Variants in GSPT1 observed in about 807,000 individuals in gnomAD.
GSPT1 encodes the protein eukaryotic peptide chain release factor GTP-binding subunit ERF3A.
In GSPT1, 20 loss-of-function variants were observed where a neutral mutation model predicts 72.5. The ratio of observed to expected loss-of-function variants is 0.28; its 90% CI spans 0.19 to 0.40. GSPT1 has a LOEUF of 0.40. Among genes scored for constraint, GSPT1 ranks in the 10% least tolerant of loss-of-function variants. The pLI is 1.00. For synonymous variants in GSPT1, 334 were observed against 293.5 expected (o/e 1.14, Z -1.41); for missense variants, 580 against 811.9 (o/e 0.71, Z 3.47).
At chr16:11,874,273 T>A (rs1249567050) in intron 14 of GSPT1, among the ~76,000 whole-genome samples, 2 of 152,032 alleles carry the variant, frequency 1.3e-5, no homozygotes, top group Non-Finnish European at 2.9e-5. Flanking sequence ...ATTATGGAAA[T>A]TGTATCTCAA....
intron 1 of GSPT1, among the ~76,000 whole-genome samples, chr16:11,904,941 C>T (rs1284459693): frequency 6.6e-6 from 1 of 152,074 alleles, no homozygotes; most frequent in African/African-American, 2.4e-5. Flanking sequence ...AAAAATCAGC[C>T]GGGTATAGTG....
rs1020708363 is a variant in GSPT1 at position 11,890,061 on chromosome 16, C to T, written c.776+1001G>A. Among the ~76,000 whole-genome samples the T allele has an allele frequency of 4.6e-5, 7 of 150,702 alleles. No individual in the cohort carries two copies. The East Asian group carries it at 5.9e-4, about 13-fold the overall frequency. On this transcript the variant is annotated intron_variant, in intron 6 of 14. Coordinates refer to ENST00000434724, the MANE Select transcript of GSPT1 (RefSeq NM_002094.4). ...CTGCAACCTCCGCCTCCCGGGTTCA[C>T]GCCATTCTCCTGCCTCAGCCTTCCA...
At chr16:11,878,245 A>G (rs967414417) in intron 11 of GSPT1, among the ~76,000 whole-genome samples, 3 of 152,074 alleles carry the variant, frequency 2.0e-5, no homozygotes, top group African/African-American at 2.4e-5. Flanking sequence ...CCTCCCAAGT[A>G]GCTGGGATTA....
intron 1 of GSPT1, among the ~76,000 whole-genome samples, chr16:11,914,520 T>A (rs1275220490): frequency 6.6e-6 from 1 of 152,154 alleles, no homozygotes; most frequent in African/African-American, 2.4e-5. Flanking sequence ...TAACAAATGC[T>A]CAAGTGTCTG....
intron 14 of GSPT1, among the ~76,000 whole-genome samples, chr16:11,874,317 T>C (rs985017076): frequency 5.3e-5 from 8 of 151,988 alleles, no homozygotes; most frequent in African/African-American, 1.7e-4. Context: ...CCAAAACCTA[T>C]CCTTAAGTAA....
chr16:11,915,297 C>T (rs1681034982), intron 1 of GSPT1, 72 bp downstream of exon 1: 2 of 1,333,530 alleles, frequency 1.5e-6, no homozygotes, highest in Non-Finnish European at 1.9e-6. Flanking sequence ...GCCGCGCGCC[C>T]CCGGACCGCA....
chr16:11,880,832 G>C (rs546218247), intron 11 of GSPT1, among the ~76,000 whole-genome samples: 1 of 152,232 alleles, frequency 6.6e-6, no homozygotes, highest in South Asian at 2.1e-4. Context: ...ATACATGATT[G>C]GCAAATGTTT....
chr16:11,905,342 A>G (rs2054474886), intron 1 of GSPT1, among the ~76,000 whole-genome samples: 1 of 152,200 alleles, frequency 6.6e-6, no homozygotes, highest in Admixed American at 6.5e-5. Context: ...TTTAAATTTA[A>G]TTTTAATAAA....
chr16:11,911,647 G>C lies in GSPT1; in HGVS notation c.352+3722C>G, dbSNP rs2054558376. ...GGCTCACTGCAACCTCCGCCTCCCA[G>C]ATTCAAGTGATTCTCCTGCCTCAGC... On this transcript the variant is annotated intron_variant, in intron 1 of 14. Transcript: ENST00000434724. Among the ~76,000 whole-genome samples the C allele has an allele frequency of 2.0e-5, 3 of 149,276 alleles. No individual in the cohort carries two copies. The Admixed American group carries it at 2.0e-4, about 10-fold the overall frequency.
chr16:11,874,228 C>T (rs965530507), intron 14 of GSPT1, among the ~76,000 whole-genome samples: 9 of 151,976 alleles, frequency 5.9e-5, no homozygotes, highest in Middle Eastern at 3.4e-3. Flanking sequence ...TACTAAAATT[C>T]ATTGAATTAC....
intron 1 of GSPT1, among the ~76,000 whole-genome samples, chr16:11,899,894 T>A (rs920755794): frequency 1.5e-4 from 23 of 152,248 alleles, no homozygotes; most frequent in African/African-American, 5.5e-4. Flanking sequence ...GGAAATGATA[T>A]ACCATCTACC....
intron 14 of GSPT1, 41 bp from the exon 15 acceptor site, chr16:11,873,212 G>A (rs1567432603): frequency 1.0e-6 from 1 of 973,590 alleles, no homozygotes; most frequent in Non-Finnish European, 1.7e-6. Context: ...GTAGTTAACA[G>A]CAAGTCTATA....
intron 1 of GSPT1, among the ~76,000 whole-genome samples, chr16:11,902,596 T>C (rs1350109815): frequency 6.6e-6 from 1 of 151,662 alleles, no homozygotes. Context: ...GATCTTTTTT[T>C]TTTTTTTAAG....
At chr16:11,897,279 T>C (rs1050308746) in intron 3 of GSPT1, among the ~76,000 whole-genome samples, 3 of 152,130 alleles carry the variant, frequency 2.0e-5, no homozygotes, top group African/African-American at 4.8e-5. Flanking sequence ...AGGAAGAACA[T>C]TTTTCACCAA....
intron 6 of GSPT1, 106 bp from the exon 7 acceptor site, chr16:11,887,856 C>T (rs1252572664): frequency 7.7e-6 from 6 of 777,634 alleles, no homozygotes; most frequent in South Asian, 1.8e-5. Context: ...ACCTAAATCA[C>T]GAACAAGATT....
In GSPT1 at chr16:11,915,404, T is replaced by C. The variant is rs1222767665; in HGVS notation, c.317A>G (p.Asn106Ser). 4.6e-6 allele frequency: 7 copies of C among 1,505,554 alleles called. No homozygotes were observed. The highest frequency in any genetic ancestry group is 6.2e-6 in the Non-Finnish European group (7 of 1,131,232). The allele number at this position is 1,505,554 out of a possible 1,614,324, so 93.3% of individuals were successfully genotyped here. Residue 106 changes from asparagine (N) to serine (S), a missense_variant, in exon 1 of 15, where the codon AAC becomes AGC. By Grantham distance (46) the Asn-to-Ser change is conservative. This residue lies in a region of GSPT1 where 327 missense variants were observed against 298.8 expected (regional missense o/e 1.09). Coordinates refer to ENST00000434724, the MANE Select transcript of GSPT1 (RefSeq NM_002094.4). Reference protein sequence around the residue: ...PPPPVGGAANNHGAGSGAGGR... With the variant: ...PPPPVGGAANSHGAGSGAGGR... ...TCCCGCGCCGCTGCCGGCTCCGTGG[T>C]TATTGGCGGCGCCGCCAACTGGGGG... is the stretch of plus-strand genomic sequence containing the variant.
At chr16:11,908,237 T>A (rs985419492) in intron 1 of GSPT1, 2 of 151,250 alleles carry the variant, frequency 1.3e-5, no homozygotes, top group East Asian at 3.9e-4. Flanking sequence ...GAGAGATTCA[T>A]CTCAAAAACA....
In GSPT1 at chr16:11,887,550, A is replaced by T; in HGVS notation, c.957+20T>A. On this transcript the variant is annotated intron_variant, in intron 7 of 14. Transcript: ENST00000434724. ...GGGCTACTAACAAATATACAGATGG[A>T]CTGGAAATGTCTTTCTTACCAGCAC... 2 of 1,600,828 alleles carry T rather than the reference A, an allele frequency of 1.2e-6. No homozygotes were observed. Among genetic ancestry groups the T allele is most frequent in the Non-Finnish European group, 1.7e-6 (2 of 1,168,746 alleles).
Position 11,898,050 on chromosome 16 carries a change from G to C in GSPT1, c.353-15C>G, listed in dbSNP as rs1286201625. ...TTCCACAGGTGCTGTTTAACAGAAA[G>C]AAGTTCTATTAAAAATTGATACTTA... On this transcript the variant is annotated splice_polypyrimidine_tract_variant and intron_variant, in intron 1 of 14. Coordinates refer to ENST00000434724, the MANE Select transcript of GSPT1 (RefSeq NM_002094.4). The C allele has an allele frequency of 6.6e-7, 1 of 1,512,610 alleles. No homozygotes were observed. Among genetic ancestry groups the C allele is most frequent in the African/African-American group, 1.4e-5 (1 of 72,364 alleles). The allele number at this position is 1,512,610 out of a possible 1,614,324, so 93.7% of individuals were successfully genotyped here.
Sources: gnomAD v4.1 joint callset for allele counts (sites outside exome capture counted in the v4.1 genomes callset) on GRCh38, gnomAD v4.1.1 for gene constraint, gnomAD v4.1.1 regional missense constraint, MANE v1.5 for transcripts, NCBI Gene and HGNC (gene_info 2026-07-23, HGNC 2026-07-21) for gene names.